Variants in SLC24A2 observed in about 807,000 individuals in gnomAD.
SLC24A2 encodes the protein sodium/potassium/calcium exchanger 2.
A neutral mutation model predicts 62.0 loss-of-function variants in SLC24A2; 36 were observed. The ratio of observed to expected loss-of-function variants is 0.58; its 90% CI spans 0.44 to 0.77. The LOEUF is 0.77. Ranked by LOEUF, SLC24A2 falls within the 30% of genes least tolerant of loss-of-function variation. The pLI is 0.00. For synonymous variants in SLC24A2, 358 were observed against 294.0 expected, an observed-to-expected ratio of 1.22 and a Z score of -2.23; for missense variants, 846 against 817.9, an observed-to-expected ratio of 1.03 and a Z score of -0.42.
At chr9:19,884,268 A>C in the SLC24A2 span, among the ~76,000 whole-genome samples, 4 of 123,302 alleles carry the variant, frequency 3.2e-5, no homozygotes, top group Non-Finnish European at 6.9e-5. Context: ...AGTGTTTATG[A>C]GCCCTATTCC....
At chr9:20,116,462 C>G in the SLC24A2 span, among the ~76,000 whole-genome samples, 1 of 152,164 alleles carries the variant, frequency 6.6e-6, no homozygotes, top group Non-Finnish European at 1.5e-5. Flanking sequence ...TTCATCACAT[C>G]ATCCATCATA....
chr9:20,031,794 G>T, the SLC24A2 span, among the ~76,000 whole-genome samples: 1 of 152,124 alleles, frequency 6.6e-6, no homozygotes, highest in Non-Finnish European at 1.5e-5. Context: ...AGACAACCTA[G>T]GACTCAGCTA....
the SLC24A2 span, among the ~76,000 whole-genome samples, chr9:20,065,115 C>T: frequency 0.46 from 70,363 of 152,088 alleles, 16,976 homozygotes; most frequent in East Asian, 0.77. Flanking sequence ...CCTAAAACAA[C>T]GAATCCTACA....
chr9:20,103,019 T>TA, the SLC24A2 span, among the ~76,000 whole-genome samples: 2 of 152,168 alleles, frequency 1.3e-5, no homozygotes, highest in African/African-American at 2.4e-5. Flanking sequence ...CCGATGGGCT[T>TA]AAAAAACGGT....
the SLC24A2 span, among the ~76,000 whole-genome samples, chr9:20,076,489 G>A: frequency 6.6e-6 from 1 of 152,124 alleles, no homozygotes; most frequent in Non-Finnish European, 1.5e-5. Context: ...TGCCAGCCAA[G>A]GGATGCCAAG....
the SLC24A2 span, among the ~76,000 whole-genome samples, chr9:20,231,276 C>T: frequency 6.6e-6 from 1 of 152,096 alleles, no homozygotes; most frequent in Non-Finnish European, 1.5e-5. Flanking sequence ...TGAAGAAAGT[C>T]GTTGGTAGCT....
the SLC24A2 span, among the ~76,000 whole-genome samples, chr9:20,143,486 T>A: frequency 6.6e-6 from 1 of 152,202 alleles, no homozygotes; most frequent in Admixed American, 6.5e-5. Flanking sequence ...TCGACCAGAC[T>A]ATGCCAGGCA....
chr9:19,825,775 T>C, the SLC24A2 span, among the ~76,000 whole-genome samples: 3 of 152,124 alleles, frequency 2.0e-5, no homozygotes, highest in Non-Finnish European at 4.4e-5. Flanking sequence ...GCTGACAAAG[T>C]AATTATTTTG....
chr9:19,994,810 G>A, the SLC24A2 span, among the ~76,000 whole-genome samples: 2 of 152,288 alleles, frequency 1.3e-5, no homozygotes, highest in Non-Finnish European at 2.9e-5. Context: ...CCTAGAACCA[G>A]CTTATGCTAT....
intron 4 of SLC24A2, among the ~76,000 whole-genome samples, chr9:19,614,215 T>C (rs1817706800): frequency 6.6e-6 from 1 of 152,222 alleles, no homozygotes; most frequent in African/African-American, 2.4e-5. Context: ...CAGATAGCCA[T>C]CCTGTGATCT....
the SLC24A2 span, among the ~76,000 whole-genome samples, chr9:19,883,571 G>GTTT: frequency 9.3e-4 from 137 of 147,916 alleles, 1 homozygote; most frequent in Admixed American, 2.3e-3. Context: ...TCTGTACATT[G>GTTT]TTTTTTTTTT....
chr9:20,107,135 A>G, the SLC24A2 span, among the ~76,000 whole-genome samples: 1 of 152,332 alleles, frequency 6.6e-6, no homozygotes. Flanking sequence ...TCCAACTTAC[A>G]AGGGATGTGA....
chr9:19,935,296 A>G, the SLC24A2 span, among the ~76,000 whole-genome samples: 1 of 152,036 alleles, frequency 6.6e-6, no homozygotes, highest in African/African-American at 2.4e-5. Context: ...ACTTTGCTGG[A>G]TGATTGTTAA....
At chr9:19,577,528 G>A (rs1347956321) in intron 5 of SLC24A2, among the ~76,000 whole-genome samples, 2 of 152,062 alleles carry the variant, frequency 1.3e-5, no homozygotes, top group Non-Finnish European at 2.9e-5. Flanking sequence ...TTCAGATAGG[G>A]GATACTCAAC....
the SLC24A2 span, among the ~76,000 whole-genome samples, chr9:19,901,541 T>A: frequency 1.3e-5 from 2 of 152,166 alleles, no homozygotes; most frequent in Admixed American, 1.3e-4. Flanking sequence ...TGGCTAATTA[T>A]ACATATTCAG....
the SLC24A2 span, among the ~76,000 whole-genome samples, chr9:19,811,277 A>C: frequency 3.3e-5 from 5 of 152,200 alleles, no homozygotes; most frequent in Non-Finnish European, 7.3e-5. Flanking sequence ...TCAGACTTCC[A>C]GCCCCTAGAT....
At chr9:20,119,127 T>G in the SLC24A2 span, among the ~76,000 whole-genome samples, 1 of 152,104 alleles carries the variant, frequency 6.6e-6, no homozygotes, top group Non-Finnish European at 1.5e-5. Flanking sequence ...CCCTCAATTG[T>G]ACAACTGTAA....
chr9:19,694,126 T>C (rs1032223243), intron 2 of SLC24A2, among the ~76,000 whole-genome samples: 3 of 152,116 alleles, frequency 2.0e-5, no homozygotes, highest in African/African-American at 7.2e-5. Flanking sequence ...CTTACACTGT[T>C]CATTCTAAAT....
At chr9:20,107,613 A>C in the SLC24A2 span, among the ~76,000 whole-genome samples, 1 of 152,238 alleles carries the variant, frequency 6.6e-6, no homozygotes, top group Non-Finnish European at 1.5e-5. Flanking sequence ...CCCATTTCAT[A>C]AATGGTGCTG....
Sources: allele counts gnomAD v4.1 joint callset (sites outside exome capture counted in the v4.1 genomes callset), GRCh38; gene constraint gnomAD v4.1.1; transcripts MANE v1.5; gene names NCBI Gene and HGNC (gene_info 2026-07-23, HGNC 2026-07-21).